The following CLMN variants were observed in gnomAD, a reference collection of about 807,000 sequenced individuals.
CLMN encodes calmin (calponin-like, transmembrane).
CLMN carries 57 observed loss-of-function variants against 92.7 expected under a neutral mutation model. The ratio of observed to expected loss-of-function variants is 0.61; its 90% CI spans 0.50 to 0.77. CLMN has a LOEUF of 0.77. Ranked by LOEUF, CLMN falls within the 30% of genes least tolerant of loss-of-function variation. The pLI, the probability that CLMN is intolerant of heterozygous loss-of-function variation, is 0.00. For synonymous variants in CLMN, 466 were observed against 470.6 expected (o/e 0.99, Z 0.13); for missense variants, 1,158 against 1,237.5 (o/e 0.94, Z 0.96).
At chr14:95,261,415 T>C (rs558475245) in intron 1 of CLMN, among the ~76,000 whole-genome samples, 1 of 152,300 alleles carries the variant, frequency 6.6e-6, no homozygotes, top group South Asian at 2.1e-4. Context: ...AATTCCCGGA[T>C]TCTGTCTTTG....
At chr14:95,245,676 A>ATGGG (rs1372070018) in intron 1 of CLMN, among the ~76,000 whole-genome samples, 49 of 92,574 alleles carry the variant, frequency 5.3e-4, no homozygotes, top group South Asian at 2.0e-3. Context: ...GGATAGATGG[A>ATGGG]TGGGTGGGTG....
intron 1 of CLMN, among the ~76,000 whole-genome samples, chr14:95,251,426 G>A (rs1338956370): frequency 4.6e-5 from 7 of 152,142 alleles, no homozygotes; most frequent in South Asian, 2.1e-4. Flanking sequence ...CTACTTGTCC[G>A]ATTCTGAATG....
chr14:95,242,761 G>A (rs1365823882), intron 1 of CLMN, among the ~76,000 whole-genome samples: 2 of 150,690 alleles, frequency 1.3e-5, no homozygotes, highest in Non-Finnish European at 2.9e-5. Flanking sequence ...TAGAGACAGG[G>A]TTTCACTATA....
chr14:95,204,491 CA>C lies in CLMN; in HGVS notation c.886-29del, dbSNP rs369276675. The stretch of plus-strand genomic sequence containing the variant: ...GCAAAAAAAAACAAAAACAAACAAA[CA>C]AAAAAAAACAAAAGAACAACAACAA... On this transcript the variant is annotated intron_variant, in intron 8 of 12. Transcript: ENST00000298912. 3.7e-4 allele frequency: 531 copies of C among 1,448,572 alleles called. 1 individual carries two copies. In the African/African-American group the frequency reaches 5.6e-3, roughly 15 times the overall value. The allele number at this position is 1,448,572 out of a possible 1,614,324, so 89.7% of individuals were successfully genotyped here.
intron 1 of CLMN, among the ~76,000 whole-genome samples, chr14:95,316,675 T>A (rs1901788301): frequency 1.3e-5 from 2 of 152,218 alleles, no homozygotes; most frequent in South Asian, 4.1e-4. Context: ...TACTTCTAAG[T>A]CAACTTAAAC....
At chr14:95,306,077 A>G (rs566766916) in intron 1 of CLMN, among the ~76,000 whole-genome samples, 52 of 152,282 alleles carry the variant, frequency 3.4e-4, no homozygotes, top group South Asian at 2.5e-3. Context: ...GGAAGGCAGG[A>G]AGCAGGAGAT....
intron 4 of CLMN, 75 bp downstream of exon 4, chr14:95,221,616 A>G (rs1438410058): frequency 8.5e-6 from 11 of 1,290,098 alleles, no homozygotes; most frequent in Non-Finnish European, 1.1e-5. Context: ...TCTTGCGACC[A>G]GCACTGAACT....
intron 1 of CLMN, among the ~76,000 whole-genome samples, chr14:95,241,657 A>G (rs1279604511): frequency 6.6e-6 from 1 of 152,200 alleles, no homozygotes; most frequent in Non-Finnish European, 1.5e-5. Flanking sequence ...TGTGTTAATT[A>G]GCACAAGAGA....
chr14:95,268,201 G>A (rs1346043529), intron 1 of CLMN, among the ~76,000 whole-genome samples: 1 of 152,014 alleles, frequency 6.6e-6, no homozygotes, highest in Non-Finnish European at 1.5e-5. Context: ...AATGTTTGAG[G>A]TGATGGATAC....
intron 1 of CLMN, among the ~76,000 whole-genome samples, chr14:95,253,737 C>T (rs1898885416): frequency 6.6e-6 from 1 of 152,026 alleles, no homozygotes; most frequent in African/African-American, 2.4e-5. Context: ...CTCAGCCTCC[C>T]CAGTAGCTGG....
At chr14:95,308,262 T>C (rs1901371588) in intron 1 of CLMN, among the ~76,000 whole-genome samples, 1 of 152,220 alleles carries the variant, frequency 6.6e-6, no homozygotes, top group Non-Finnish European at 1.5e-5. Flanking sequence ...GCTGGGCCAC[T>C]GAACAGACTG....
At chr14:95,197,517 G>C (rs999305249) in intron 9 of CLMN, among the ~76,000 whole-genome samples, 4 of 152,174 alleles carry the variant, frequency 2.6e-5, no homozygotes, top group African/African-American at 7.2e-5. Context: ...TGGAAGCTAG[G>C]TGGGCCAAAG....
intron 1 of CLMN, among the ~76,000 whole-genome samples, chr14:95,297,880 G>A (rs1253813489): frequency 1.3e-5 from 2 of 150,628 alleles, no homozygotes; most frequent in Non-Finnish European, 3.0e-5. Flanking sequence ...GCTCACCCAC[G>A]CATATAGTTT....
chr14:95,204,492 A>C (rs770001586), intron 8 of CLMN, 29 bp from the exon 9 acceptor site: 93 of 1,492,602 alleles, frequency 6.2e-5, no homozygotes, highest in Middle Eastern at 3.6e-4. Context: ...ACAAACAAAC[A>C]AAAAAAAACA....
chr14:95,275,447 G>A (rs1292898468), intron 1 of CLMN, among the ~76,000 whole-genome samples: 4 of 152,056 alleles, frequency 2.6e-5, no homozygotes, highest in African/African-American at 9.7e-5. Context: ...ACTCCCACCA[G>A]CACCATGACA....
At chr14:95,302,502 T>C (rs1384839108) in intron 1 of CLMN, among the ~76,000 whole-genome samples, 1 of 152,164 alleles carries the variant, frequency 6.6e-6, no homozygotes, top group African/African-American at 2.4e-5. Flanking sequence ...TAACAATATA[T>C]ATATTTTTAA....
chr14:95,295,305 C>T (rs920535366), intron 1 of CLMN, among the ~76,000 whole-genome samples: 19 of 152,180 alleles, frequency 1.2e-4, no homozygotes, highest in African/African-American at 4.3e-4. Flanking sequence ...GACTTCAGAG[C>T]CATTGGTTGT....
At chr14:95,292,699 T>C (rs1051516227) in intron 1 of CLMN, among the ~76,000 whole-genome samples, 4 of 152,130 alleles carry the variant, frequency 2.6e-5, no homozygotes, top group Admixed American at 2.6e-4. Context: ...ACCATTATGC[T>C]TGTGCCCCCA....
rs1899018128 is a variant in CLMN, at chr14:95,256,842, GT to G, written c.83-26710del. On this transcript the variant is annotated intron_variant, in intron 1 of 12. Transcript: ENST00000298912. The surrounding 1 kb of genome is among the most constrained non-coding windows in gnomAD (Gnocchi z 4.9). ...TGGACAGGGCCACTAAGCCTCCTGG[GT>G]CAGGGGCAGAATTGGAGCAGGAGCT... Among the ~76,000 whole-genome samples the G allele has an allele frequency of 6.6e-6, 1 of 152,202 alleles. No homozygotes were observed. The highest frequency in any genetic ancestry group is 1.5e-5 in the Non-Finnish European group (1 of 68,042).
Sources: gnomAD v4.1 joint callset for allele counts (sites outside exome capture counted in the v4.1 genomes callset) on GRCh38, gnomAD v4.1.1 for gene constraint, Gnocchi (gnomAD v3.1) non-coding constraint, MANE v1.5 for transcripts, NCBI Gene and HGNC (gene_info 2026-07-23, HGNC 2026-07-21) for gene names.